The following DERL2 variants were observed in gnomAD, a reference collection of about 807,000 sequenced individuals.
DERL2 encodes derlin 2, also known as derlin-2.
A neutral mutation model predicts 32.0 loss-of-function variants in DERL2; 13 were observed. That is an observed-to-expected ratio of 0.41 (90% CI 0.26 to 0.65). The LOEUF is 0.65. DERL2 is among the 30% of genes least tolerant of loss of function. The pLI is 0.35. For synonymous variants in DERL2, 111 were observed against 104.7 expected, an observed-to-expected ratio of 1.06 and a Z score of -0.37; for missense variants, 208 against 296.3, an observed-to-expected ratio of 0.70 and a Z score of 2.19.
chr17:5,485,201 T>C lies in DERL2; in HGVS notation c.109A>G (p.Thr37Ala), dbSNP rs1906099857. The change falls in exon 2 of 7, where the codon ACA becomes GCA. Residue 37 changes from threonine to alanine, a missense_variant. Thr to Ala is a moderately conservative substitution (Grantham distance 58). Coordinates refer to ENST00000158771, the MANE Select transcript of DERL2 (RefSeq NM_016041.5). ...TTAAVQLELI[T>A]PFQLYFNPEL... Reference sequence around the variant, plus strand: ...GGATTGAAGTACAACTGAAAAGGTGTGATCAATTCCAACTGCTGAAATAGA... The same window carrying C: ...GGATTGAAGTACAACTGAAAAGGTGCGATCAATTCCAACTGCTGAAATAGA... 6.3e-7 allele frequency: 1 copy of C among 1,591,524 alleles called. No individual in the cohort carries two copies. Among genetic ancestry groups the C allele is most frequent in the African/African-American group, 1.4e-5 (1 of 73,596 alleles).
At position 5,471,274 on chromosome 17, in the gene DERL2, G is replaced by A. The variant is rs1414308687; in HGVS notation, c.*3410C>T. 2 of 152,152 alleles carry A rather than the reference G, an allele frequency of 1.3e-5. No individual in the cohort carries two copies. Among genetic ancestry groups the A allele is most frequent in the Non-Finnish European group, 2.9e-5 (2 of 68,032 alleles). The allele number at this position is 152,152 out of a possible 1,614,324, so 9.4% of individuals were successfully genotyped here. ...AATACTTTGCTGATCAATAAACAAA[G>A]GTATTTATTCAGCACCCATGTGCCA... On this transcript the variant is annotated 3_prime_UTR_variant, in exon 7 of 7. Coordinates refer to ENST00000158771, the MANE Select transcript of DERL2 (RefSeq NM_016041.5).
rs1238826474 is a variant in DERL2 at position 5,480,506 on chromosome 17, C to T, written c.404G>A (p.Arg135Lys). 6.2e-7 allele frequency: 1 copy of T among 1,608,674 alleles called. No individual in the cohort carries two copies. The highest frequency in any genetic ancestry group is 2.2e-5 in the East Asian group (1 of 44,736). Residue 135 changes from arginine (R) to lysine (K), a missense_variant, in exon 5 of 7, where the codon AGG becomes AAG. Around this residue, in one of 3 missense-constraint regions of DERL2, gnomAD observed 124 missense variants for 215.3 expected, o/e 0.58. Transcript: ENST00000158771. ...TIMLVYVWSR[R>K]NPYVRMNFFG... ...GAAGTTCATGCGGACATAGGGGTTC[C>T]TTCGGCTCCACACATAGACGAGCAT...
At chr17:5,475,621 C>T (rs1905335281) in intron 6 of DERL2, among the ~76,000 whole-genome samples, 1 of 151,988 alleles carries the variant, frequency 6.6e-6, no homozygotes, top group African/African-American at 2.4e-5. Context: ...TGGCGCATGC[C>T]TGTAATCCCA....
chr17:5,479,297 T>C (rs190016264), intron 6 of DERL2, among the ~76,000 whole-genome samples: 1 of 152,198 alleles, frequency 6.6e-6, no homozygotes, highest in East Asian at 1.9e-4. Flanking sequence ...AGTGTCGGGA[T>C]AGTGGACAAT....
At chr17:5,482,321 T>C in intron 3 of DERL2, 1 of 164,892 alleles carries the variant, frequency 6.1e-6, no homozygotes, top group Non-Finnish European at 1.3e-5. Context: ...GGATCAGAGC[T>C]GGGGTTTTCC....
At chr17:5,483,220 A>G (rs1010634053) in intron 2 of DERL2, among the ~76,000 whole-genome samples, 1 of 152,340 alleles carries the variant, frequency 6.6e-6, no homozygotes, top group Admixed American at 6.5e-5. Context: ...TAGTATCATC[A>G]TATAATAAAT....
chr17:5,484,277 G>A (rs1038473654), intron 2 of DERL2, among the ~76,000 whole-genome samples: 7 of 152,184 alleles, frequency 4.6e-5, no homozygotes, highest in Non-Finnish European at 8.8e-5. Context: ...ACAGGGTTTC[G>A]CTCTTGTCTC....
At position 5,481,374 on chromosome 17, in the gene DERL2, T is replaced by C; in HGVS notation, c.249A>G (p.Arg83=). The change falls in exon 4 of 7, where the codon CGA becomes CGG. Residue 83 remains arginine, a synonymous_variant. Coordinates refer to ENST00000158771, the MANE Select transcript of DERL2 (RefSeq NM_016041.5). The surrounding 1 kb of genome is among the most constrained non-coding windows in gnomAD (Gnocchi z 4.4). ...CTCGGAAAGAGCCTTCTTCTAGCAT[T>C]CGACAGTAACGATATCTTAAGTTCC... ...FNMIFLYRYC[R]MLEEGSFRGR... The C allele has an allele frequency of 4.3e-6, 7 of 1,613,770 alleles. No individual in the cohort carries two copies. The highest frequency in any genetic ancestry group is 1.3e-5 in the African/African-American group (1 of 75,046).
intron 5 of DERL2, 112 bp downstream of exon 5, chr17:5,480,275 G>A: frequency 1.6e-6 from 2 of 1,241,570 alleles, no homozygotes. Context: ...AACTAATATT[G>A]TGGTATTTTA....
intron 2 of DERL2, among the ~76,000 whole-genome samples, chr17:5,483,770 T>A (rs1905960072): frequency 2.0e-5 from 3 of 152,160 alleles, no homozygotes; most frequent in African/African-American, 7.2e-5. Context: ...TAACTCCAAA[T>A]GCACAGTGTC....
At chr17:5,480,946 C>A (rs1045356374) in intron 4 of DERL2, 3 of 517,400 alleles carry the variant, frequency 5.8e-6, no homozygotes, top group Non-Finnish European at 1.0e-5. Flanking sequence ...TCAGACCGTA[C>A]CATATCTAAG....
At chr17:5,480,639 G>A (rs933297295) in intron 4 of DERL2, 57 bp from the exon 5 acceptor site, 20 of 1,357,604 alleles carry the variant, frequency 1.5e-5, no homozygotes, top group Non-Finnish European at 1.9e-5. Flanking sequence ...GAAAGACTGA[G>A]CAGGAGAACT....
chr17:5,477,059 G>T (rs1905438885), intron 6 of DERL2, among the ~76,000 whole-genome samples: 1 of 152,114 alleles, frequency 6.6e-6, no homozygotes, highest in Non-Finnish European at 1.5e-5. Flanking sequence ...ACATATGAGG[G>T]GTAATTAGGT....
intron 2 of DERL2, 22 bp from the exon 3 acceptor site, chr17:5,482,904 A>G: frequency 7.8e-7 from 1 of 1,288,520 alleles, no homozygotes. Flanking sequence ...AAATCAAGAG[A>G]AAGATGTATT....
At chr17:5,485,839 G>C in intron 1 of DERL2, 1 of 412,510 alleles carries the variant, frequency 2.4e-6, no homozygotes, top group East Asian at 3.6e-5. Flanking sequence ...CTATAGGTCC[G>C]GCGCTCATCT....
chr17:5,486,232 G>A, upstream of DERL2: 11 of 1,366,576 alleles, frequency 8.0e-6, no homozygotes, highest in Non-Finnish European at 9.8e-6. Flanking sequence ...CCCGGCGGCG[G>A]GGCGGGCCCA....
chr17:5,485,420 C>CA (rs1443268115), intron 1 of DERL2, among the ~76,000 whole-genome samples: 1 of 152,212 alleles, frequency 6.6e-6, no homozygotes, highest in East Asian at 1.9e-4. Context: ...ATACCTAACA[C>CA]AAAAAAGTCT....
At chr17:5,483,709 C>A (rs1290326146) in intron 2 of DERL2, among the ~76,000 whole-genome samples, 3 of 152,162 alleles carry the variant, frequency 2.0e-5, no homozygotes, top group African/African-American at 7.2e-5. Flanking sequence ...AATGTCCTGA[C>A]CAAGGACCCG....
intron 6 of DERL2, among the ~76,000 whole-genome samples, 184 bp downstream of exon 6, chr17:5,479,870 A>G (rs947998459): frequency 2.6e-5 from 4 of 152,154 alleles, no homozygotes; most frequent in Admixed American, 2.0e-4. Flanking sequence ...TCTTGCCACA[A>G]CCCTGGCACT....
Sources: gnomAD v4.1 joint callset for allele counts (sites outside exome capture counted in the v4.1 genomes callset) on GRCh38, gnomAD v4.1.1 for gene constraint, gnomAD v4.1.1 regional missense constraint, Gnocchi (gnomAD v3.1) non-coding constraint, MANE v1.5 for transcripts, NCBI Gene and HGNC (gene_info 2026-07-23, HGNC 2026-07-21) for gene names.